The following MEGF6 variants were observed in gnomAD, a reference collection of about 807,000 sequenced individuals.
The protein encoded by MEGF6 is multiple epidermal growth factor-like domains protein 6.
In MEGF6, 184 loss-of-function variants were observed where a neutral mutation model predicts 207.1. The observed-to-expected ratio is 0.89, with a 90% CI of 0.79 to 1.00. MEGF6 has a LOEUF of 1.00. MEGF6 is among the 50% of genes least tolerant of loss of function. The pLI is 0.00. For synonymous variants in MEGF6, 1,038 were observed against 910.0 expected, an observed-to-expected ratio of 1.14 and a Z score of -2.53; for missense variants, 2,282 against 2,202.9, an observed-to-expected ratio of 1.04 and a Z score of -0.72.
chr1:3,496,708 GC>G lies in MEGF6; in HGVS notation c.3688del (p.Ala1230ProfsTer44). 1 of 1,559,412 alleles carries G rather than the reference GC, an allele frequency of 6.4e-7. No individual in the cohort carries two copies. The highest frequency in any genetic ancestry group is 8.7e-7 in the Non-Finnish European group (1 of 1,152,560). On this transcript the variant is annotated frameshift_variant, in exon 29 of 37. Transcript: ENST00000356575. LOFTEE classifies it high-confidence loss of function. ...AGTGGGGCAGCGGCAGGCCCCCGTG[GC>G]CGCATCACAGGAGCCCCCGTTGAGA... is the stretch of plus-strand genomic sequence containing the variant. ...GCLNGGSCDAATGACRCPTGF... is the reference protein window; with the variant it reads ...GCLNGGSCDAXTGACRCPTGF...
Position 3,509,088 on chromosome 1 carries a change from G to A in MEGF6, c.1515C>T (p.Leu505=), listed in dbSNP as rs1233928533. ...EEAELRGEHT[L]TEKFVCLDDS... ...GCCCGCGCTCACCAAACTTCTCTGTGAGCGTGTGTTCGCCCCGCAACTCTG... is the reference window on the plus strand; with the variant it reads ...GCCCGCGCTCACCAAACTTCTCTGTAAGCGTGTGTTCGCCCCGCAACTCTG... The change falls in exon 12 of 37, where the codon CTC becomes CTT. Residue 505 remains leucine, a synonymous_variant. Transcript: ENST00000356575. 9 of 1,596,194 alleles carry A rather than the reference G, an allele frequency of 5.6e-6. No individual in the cohort carries two copies. Among genetic ancestry groups the A allele is most frequent in the Admixed American group, 5.2e-5 (3 of 57,696 alleles).
Position 3,579,815 on chromosome 1 carries a change from C to A in MEGF6, c.481+10G>T, listed in dbSNP as rs754596690. 2 of 1,481,434 alleles carry A rather than the reference C, an allele frequency of 1.4e-6. No individual in the cohort carries two copies. The highest frequency in any genetic ancestry group is 5.3e-5 in the East Asian group (2 of 37,616). 91.8% of individuals were successfully genotyped at this position (1,481,434 alleles called of 1,614,324 possible). A position where few individuals can be genotyped will look rare whatever the true frequency, so the allele number is the denominator to read the frequency against. ...GGCCAGGGCCTTGGTCCCCCAGGGG[C>A]TCCACTCACCATACTGACAGCGGGG... On this transcript the variant is annotated intron_variant, in intron 4 of 36. Transcript: ENST00000356575.
rs1262392728 is a variant in MEGF6 at position 3,545,384 on chromosome 1, G to A, written c.482-21138C>T. Among the ~76,000 whole-genome samples the A allele has an allele frequency of 3.3e-5, 5 of 152,236 alleles. No individual in the cohort carries two copies. The East Asian group carries it at 9.7e-4, about 29-fold the overall frequency. The stretch of plus-strand genomic sequence containing the variant: ...CTGAGGGACTGCACAGGCAGCCGCA[G>A]GGGGGAAAATGTAAGCTGTCCCGCG... On this transcript the variant is annotated intron_variant, in intron 4 of 36. Transcript: ENST00000356575.
At position 3,509,057 on chromosome 1, in the gene MEGF6, G is replaced by A. The variant is rs969158315; in HGVS notation, c.1528+18C>T. The A allele has an allele frequency of 1.2e-5, 18 of 1,533,790 alleles. No homozygotes were observed. The highest frequency in any genetic ancestry group is 2.1e-5 in the Admixed American group (1 of 47,716). ...GGCCCTGCGAGCAGGAGCCCCCGGG[G>A]GCTGGGCCCGCGCTCACCAAACTTC... is the stretch of plus-strand genomic sequence containing the variant. On this transcript the variant is annotated intron_variant, in intron 12 of 36. Transcript: ENST00000356575.
intron 4 of MEGF6, among the ~76,000 whole-genome samples, chr1:3,549,975 G>A (rs1642832522): frequency 6.6e-6 from 1 of 152,166 alleles, no homozygotes; most frequent in South Asian, 2.1e-4. Flanking sequence ...CTTCTCGCCA[G>A]CCCCAACCCA....
intron 4 of MEGF6, among the ~76,000 whole-genome samples, chr1:3,571,885 G>A (rs1312542796): frequency 6.8e-6 from 1 of 146,600 alleles, no homozygotes; most frequent in Non-Finnish European, 1.5e-5. Flanking sequence ...GTCCTGCCAG[G>A]TGTGCTGGGT....
rs900025423 is a variant in MEGF6, at chr1:3,488,909, T to C, written c.*1619A>G. 6.6e-6 allele frequency among the ~76,000 whole-genome samples: 1 copy of C among 152,222 alleles called. No homozygotes were observed. The highest frequency in any genetic ancestry group is 2.4e-5 in the African/African-American group (1 of 41,464). On this transcript the variant is annotated 3_prime_UTR_variant, in exon 37 of 37. Transcript: ENST00000356575. ...GTCGTTGCTTCATGTCAATGACTTC[T>C]TACTTTTGTATTTTGCAGTTAGATG...
chr1:3,499,137 C>A lies in MEGF6; in HGVS notation c.3094+1G>T. On this transcript the variant is annotated splice_donor_variant, in intron 24 of 36. Transcript: ENST00000356575. LOFTEE classifies it high-confidence loss of function. ...TCCCTGGACTCCTAGATGTGGCTTA[C>A]CCTGCAGGCAGGAGGGCCCCATCCA... 6.2e-7 allele frequency: 1 copy of A among 1,604,070 alleles called. No homozygotes were observed. Among genetic ancestry groups the A allele is most frequent in the Non-Finnish European group, 8.5e-7 (1 of 1,176,732 alleles).
chr1:3,565,770 C>T lies in MEGF6; in HGVS notation c.481+14055G>A, dbSNP rs2821059. The stretch of plus-strand genomic sequence containing the variant: ...GGGGACCCCCAAGTGGAGGTGGCCA[C>T]GTCACCAAGAACAGAAGTGCGTGTG... On this transcript the variant is annotated intron_variant, in intron 4 of 36. Coordinates refer to ENST00000356575, the MANE Select transcript of MEGF6 (RefSeq NM_001409.4). This position sits in a 1 kb window ranked among gnomAD's most constrained non-coding sequence, Gnocchi z 4.8. Among the ~76,000 whole-genome samples the T allele has an allele frequency of 0.25, 37,904 of 152,114 alleles. 4,976 individuals carry two copies. Among genetic ancestry groups the T allele is most frequent in the Non-Finnish European group, 0.26 (18,008 of 67,958 alleles).
rs964233191 is a variant in MEGF6 at position 3,511,806 on chromosome 1, C to A, written c.977-119G>T. The stretch of plus-strand genomic sequence containing the variant: ...CGGGCCTGGGGACACCCGTGGGAAG[C>A]AGCAACATGGAGCTCCCAGGCCTTG... On this transcript the variant is annotated intron_variant, in intron 8 of 36. Coordinates refer to ENST00000356575, the MANE Select transcript of MEGF6 (RefSeq NM_001409.4). 4 of 1,482,990 alleles carry A rather than the reference C, an allele frequency of 2.7e-6. No homozygotes were observed. The Admixed American group carries it at 8.0e-5, about 30-fold the overall frequency. 91.9% of individuals were successfully genotyped at this position (1,482,990 alleles called of 1,614,324 possible).
chr1:3,531,641 G>A (rs1642179459), intron 4 of MEGF6, among the ~76,000 whole-genome samples: 1 of 152,142 alleles, frequency 6.6e-6, no homozygotes, highest in South Asian at 2.1e-4. Context: ...ACATCCACAT[G>A]TGACCCACAG....
intron 11 of MEGF6, among the ~76,000 whole-genome samples, 161 bp from the exon 12 acceptor site, chr1:3,509,406 C>T (rs912075297): frequency 4.6e-5 from 7 of 152,122 alleles, no homozygotes; most frequent in Non-Finnish European, 8.8e-5. Context: ...CAGGGGTCAT[C>T]CCAGCTGCAC....
At chr1:3,552,943 G>T (rs1184665238) in intron 4 of MEGF6, among the ~76,000 whole-genome samples, 1 of 152,012 alleles carries the variant, frequency 6.6e-6, no homozygotes, top group African/African-American at 2.4e-5. Flanking sequence ...CCCCCTCAGA[G>T]TTCAGGCTCA....
chr1:3,531,079 C>T (rs1184167519), intron 4 of MEGF6: 5 of 1,521,752 alleles, frequency 3.3e-6, no homozygotes, highest in Middle Eastern at 4.3e-4. Flanking sequence ...CCGGCGCCCA[C>T]CTGGCCTCTG....
In MEGF6 at chr1:3,560,780, C is replaced by T. The variant is rs763269031; in HGVS notation, c.481+19045G>A. ...CCCACTCTGGATTTCCAGGGTCACC[C>T]GGCAGTCCCCTCTGGCAGCCACCGG... On this transcript the variant is annotated intron_variant, in intron 4 of 36. Coordinates refer to ENST00000356575, the MANE Select transcript of MEGF6 (RefSeq NM_001409.4). The surrounding 1 kb of genome is among the most constrained non-coding windows in gnomAD (Gnocchi z 4.0). The T allele has an allele frequency of 1.1e-5, 5 of 473,734 alleles. No homozygotes were observed. The highest frequency in any genetic ancestry group is 4.0e-5 in the African/African-American group (2 of 50,158). 29.3% of individuals were successfully genotyped at this position (473,734 alleles called of 1,614,324 possible).
At chr1:3,503,212 G>A (rs1418124412) in intron 17 of MEGF6, among the ~76,000 whole-genome samples, 1 of 152,166 alleles carries the variant, frequency 6.6e-6, no homozygotes, top group East Asian at 1.9e-4. Flanking sequence ...AGGGACACAG[G>A]CACGTCCCTG....
chr1:3,517,010 G>T (rs191215094), intron 5 of MEGF6, among the ~76,000 whole-genome samples: 1 of 152,204 alleles, frequency 6.6e-6, no homozygotes, highest in Non-Finnish European at 1.5e-5. Context: ...CCCCAGGCCC[G>T]GCCTGCCTCA....
In MEGF6 at chr1:3,505,258, T is replaced by C; in HGVS notation, c.2138A>G (p.Glu713Gly). 1 of 1,612,330 alleles carries C rather than the reference T, an allele frequency of 6.2e-7. No homozygotes were observed. The highest frequency in any genetic ancestry group is 1.1e-5 in the South Asian group (1 of 91,068). ...VGVACDSVSGECGKRCPAGFQ... is the reference protein window; with the variant it reads ...VGVACDSVSGGCGKRCPAGFQ... ...GCCAGCAGGACACCGCTTCCCACAC[T>C]CGCCGCTCACGGAGTCACAGGCCAC... is the stretch of plus-strand genomic sequence containing the variant. The change falls in exon 17 of 37, where the codon GAG (glutamate) becomes GGG (glycine). Residue 713 changes from glutamate to glycine, a missense_variant. Coordinates refer to ENST00000356575, the MANE Select transcript of MEGF6 (RefSeq NM_001409.4).
At chr1:3,571,123 C>T (rs1643482943) in intron 4 of MEGF6, among the ~76,000 whole-genome samples, 1 of 152,122 alleles carries the variant, frequency 6.6e-6, no homozygotes, top group Non-Finnish European at 1.5e-5. Context: ...TCTGGGGGAC[C>T]AGGGGTGGCC....
Sources: allele counts gnomAD v4.1 joint callset (sites outside exome capture counted in the v4.1 genomes callset), GRCh38; gene constraint gnomAD v4.1.1; non-coding constraint Gnocchi (gnomAD v3.1); transcripts MANE v1.5; gene names NCBI Gene and HGNC (gene_info 2026-07-23, HGNC 2026-07-21).